The following NFIB variants were observed in gnomAD, a reference collection of about 807,000 sequenced individuals.
NFIB encodes nuclear factor I B, also known as nuclear factor 1 B-type.
A neutral mutation model predicts 61.5 loss-of-function variants in NFIB; 11 were observed. That is an observed-to-expected ratio of 0.18 (90% CI 0.11 to 0.30). The LOEUF is 0.30. NFIB is among the 10% of genes least tolerant of loss of function. NFIB has a pLI of 1.00. For synonymous variants in NFIB, 260 were observed against 216.5 expected (o/e 1.20, Z -1.76); for missense variants, 471 against 608.9 (o/e 0.77, Z 2.38).
the NFIB span, among the ~76,000 whole-genome samples, chr9:14,495,644 T>G: frequency 6.6e-6 from 1 of 152,038 alleles, no homozygotes; most frequent in East Asian, 1.9e-4. Flanking sequence ...CCAGGTGCAG[T>G]GTAATTAAAA....
rs1197089809 is a variant in NFIB at position 14,203,029 on chromosome 9, C to T, written c.563-23249G>A. On this transcript the variant is annotated intron_variant, in intron 2 of 10. Transcript: ENST00000380953. The stretch of plus-strand genomic sequence containing the variant: ...TGGGAATTTATCTCTGAAACAGTCT[C>T]ATGCCTTGCAGGGGACATTTATCTT... Among the ~76,000 whole-genome samples the T allele has an allele frequency of 2.0e-5, 3 of 152,214 alleles. No homozygotes were observed. The East Asian group carries it at 5.8e-4, about 29-fold the overall frequency.
At chr9:14,375,421 G>T (rs2061406971) in intron 1 of NFIB, among the ~76,000 whole-genome samples, 1 of 152,174 alleles carries the variant, frequency 6.6e-6, no homozygotes, top group African/African-American at 2.4e-5. Flanking sequence ...ACTTTGGGAG[G>T]CCAAGGTGGG....
the NFIB span, among the ~76,000 whole-genome samples, chr9:14,474,992 A>T: frequency 1.3e-5 from 2 of 152,166 alleles, no homozygotes; most frequent in East Asian, 1.9e-4. Flanking sequence ...AGTGAGGGTG[A>T]TCTTCTTTAC....
intron 2 of NFIB, among the ~76,000 whole-genome samples, chr9:14,301,329 T>C (rs2059738508): frequency 6.6e-6 from 1 of 152,200 alleles, no homozygotes; most frequent in Non-Finnish European, 1.5e-5. Flanking sequence ...AATATGGAGA[T>C]ATTTGGAATT....
At position 14,086,791 on chromosome 9, in the gene NFIB, T is replaced by G. The variant is rs969498970; in HGVS notation, c.*1518A>C. On this transcript the variant is annotated 3_prime_UTR_variant, in exon 11 of 11. Coordinates refer to ENST00000380953, the MANE Select transcript of NFIB (RefSeq NM_001190737.2). The stretch of plus-strand genomic sequence containing the variant: ...TGTTGTATTTTTTTGTTTTTTTTTT[T>G]TTGTTTTTTGTTTTTTAGATTTCAA... The G allele has an allele frequency of 1.5e-5, 3 of 206,566 alleles. No homozygotes were observed. The highest frequency in any genetic ancestry group is 1.2e-4 in the Admixed American group (2 of 16,812). 12.8% of individuals were successfully genotyped at this position (206,566 alleles called of 1,614,324 possible). A position where few individuals can be genotyped will look rare whatever the true frequency, so the allele number is the denominator to read the frequency against.
At chr9:14,231,350 G>C (rs1259960165) in intron 2 of NFIB, among the ~76,000 whole-genome samples, 1 of 151,642 alleles carries the variant, frequency 6.6e-6, no homozygotes, top group Non-Finnish European at 1.5e-5. Context: ...GAGAGAGGCA[G>C]TCCTGTCAGA....
the NFIB span, among the ~76,000 whole-genome samples, chr9:14,483,034 C>T: frequency 2.0e-5 from 3 of 152,088 alleles, no homozygotes; most frequent in Non-Finnish European, 4.4e-5. Context: ...AGACAATGAT[C>T]GTCTTGTGCA....
intron 2 of NFIB, among the ~76,000 whole-genome samples, chr9:14,183,702 GTT>G (rs2047050763): frequency 6.6e-6 from 1 of 152,164 alleles, no homozygotes; most frequent in African/African-American, 2.4e-5. Flanking sequence ...ACCACACCCA[GTT>G]TAGTGTCTGG....
intron 1 of NFIB, among the ~76,000 whole-genome samples, chr9:14,327,226 C>T (rs1206743705): frequency 1.3e-5 from 2 of 152,112 alleles, no homozygotes; most frequent in African/African-American, 4.8e-5. Context: ...GGCAAAAGAC[C>T]ATCCTGCCTT....
intron 2 of NFIB, among the ~76,000 whole-genome samples, chr9:14,194,664 A>C (rs148047886): frequency 3.9e-5 from 6 of 152,316 alleles, no homozygotes; most frequent in Admixed American, 3.9e-4. Flanking sequence ...TAGATAATTC[A>C]ATTAAAGCCA....
intron 2 of NFIB, among the ~76,000 whole-genome samples, chr9:14,234,104 C>A (rs1345500226): frequency 2.0e-5 from 3 of 152,156 alleles, no homozygotes; most frequent in East Asian, 3.9e-4. Flanking sequence ...TTGAAGCCTG[C>A]AGTCCTGTGA....
At chr9:14,419,309 A>C in the NFIB span, among the ~76,000 whole-genome samples, 114 of 151,132 alleles carry the variant, frequency 7.5e-4, 1 homozygote, top group Admixed American at 1.5e-3. Flanking sequence ...AAAAAGCAAG[A>C]AAGAAAGAAG....
chr9:14,347,203 A>T (rs2061035996), intron 1 of NFIB: 1 of 151,974 alleles, frequency 6.6e-6, no homozygotes, highest in South Asian at 2.1e-4. Flanking sequence ...ACAAAACTAA[A>T]CTACAAGCCC....
At chr9:14,317,888 GTAT>G (rs1204177252), upstream of NFIB, among the ~76,000 whole-genome samples, 2 of 152,180 alleles carry the variant, frequency 1.3e-5, no homozygotes, top group African/African-American at 4.8e-5. Context: ...TGCCTGCATT[GTAT>G]TCACTTTCCA....
chr9:14,109,257 T>C (rs1269432743), intron 10 of NFIB, among the ~76,000 whole-genome samples: 1 of 152,070 alleles, frequency 6.6e-6, no homozygotes, highest in Non-Finnish European at 1.5e-5. Flanking sequence ...TGATTGATAG[T>C]TCCCATTTTC....
the NFIB span, among the ~76,000 whole-genome samples, chr9:14,460,347 A>G: frequency 6.8e-6 from 1 of 146,374 alleles, no homozygotes; most frequent in Admixed American, 6.8e-5. Flanking sequence ...GAAGGGGAAC[A>G]TCACAACCCG....
chr9:14,106,208 A>C (rs1270394835), intron 10 of NFIB, among the ~76,000 whole-genome samples: 1 of 152,064 alleles, frequency 6.6e-6, no homozygotes, highest in Non-Finnish European at 1.5e-5. Context: ...TTTCATGTGG[A>C]GGTGGGGAAC....
chr9:14,394,556 TAAG>T (rs1192466489), intron 1 of NFIB, among the ~76,000 whole-genome samples: 1 of 152,162 alleles, frequency 6.6e-6, no homozygotes, highest in Non-Finnish European at 1.5e-5. Flanking sequence ...TTCACTACCA[TAAG>T]AACAGTATGG....
chr9:14,246,811 T>G (rs1361221187), intron 2 of NFIB, among the ~76,000 whole-genome samples: 1 of 152,176 alleles, frequency 6.6e-6, no homozygotes, highest in Non-Finnish European at 1.5e-5. Flanking sequence ...ACTGTGTCCC[T>G]GAAAATGCAT....
Sources: gnomAD v4.1 joint callset for allele counts (sites outside exome capture counted in the v4.1 genomes callset) on GRCh38, gnomAD v4.1.1 for gene constraint, MANE v1.5 for transcripts, NCBI Gene and HGNC (gene_info 2026-07-23, HGNC 2026-07-21) for gene names.